CCDC12: variants seen among roughly 807,000 people sequenced by gnomAD.
The protein encoded by CCDC12 is coiled-coil domain-containing protein 12.
CCDC12 carries 28 observed loss-of-function variants against 25.7 expected under a neutral mutation model. The observed-to-expected ratio is 1.09, with a 90% CI of 0.81 to 1.50. The LOEUF is 1.50. Among genes scored for constraint, CCDC12 ranks in the 40% most tolerant of loss-of-function variants. The pLI, the probability that CCDC12 is intolerant of heterozygous loss-of-function variation, is 0.00. For synonymous variants in CCDC12, 75 were observed against 87.7 expected, an observed-to-expected ratio of 0.86 and a Z score of 0.81; for missense variants, 198 against 210.0, an observed-to-expected ratio of 0.94 and a Z score of 0.35.
At chr3:46,962,302 T>C (rs1230647562) in intron 1 of CCDC12, among the ~76,000 whole-genome samples, 1 of 151,580 alleles carries the variant, frequency 6.6e-6, no homozygotes. Context: ...GGCATGGTGG[T>C]GGGCACCTGT....
intron 1 of CCDC12, among the ~76,000 whole-genome samples, chr3:46,946,209 C>T (rs1345309200): frequency 2.0e-5 from 3 of 152,206 alleles, no homozygotes; most frequent in Non-Finnish European, 2.9e-5. Flanking sequence ...CCTCAGTCTC[C>T]TTTGTGGGCC....
intron 1 of CCDC12, among the ~76,000 whole-genome samples, chr3:46,951,798 A>AATATATATATATATATATAT (rs1553649460): frequency 1.2e-4 from 1 of 8,458 alleles, no homozygotes; most frequent in Non-Finnish European, 2.8e-4. Flanking sequence ...AAAAAAAAAA[A>AATATATATATATATATATAT]ATATATATAT....
intron 1 of CCDC12, among the ~76,000 whole-genome samples, chr3:46,953,900 C>T (rs1034433637): frequency 1.6e-4 from 25 of 152,208 alleles, no homozygotes; most frequent in Non-Finnish European, 3.2e-4. Context: ...CACCATTTCC[C>T]TTTTCTTGGA....
At chr3:46,948,545 C>A (rs1559557503) in intron 1 of CCDC12, among the ~76,000 whole-genome samples, 1 of 152,156 alleles carries the variant, frequency 6.6e-6, no homozygotes. Context: ...ACTTAGGGGA[C>A]AAAGAGAAAG....
intron 1 of CCDC12, among the ~76,000 whole-genome samples, chr3:46,970,014 C>T (rs2034757925): frequency 6.6e-6 from 1 of 151,720 alleles, no homozygotes; most frequent in Admixed American, 6.6e-5. Flanking sequence ...AAGCAATTCT[C>T]CCTGCTCAGT....
upstream of CCDC12, among the ~76,000 whole-genome samples, chr3:46,977,676 G>T (rs1442758318): frequency 3.3e-5 from 5 of 152,212 alleles, no homozygotes; most frequent in South Asian, 4.1e-4. Context: ...TTTCCCTCTG[G>T]ACTCAAAGAT....
intron 1 of CCDC12, among the ~76,000 whole-genome samples, chr3:46,964,761 G>C (rs563350818): frequency 1.7e-4 from 26 of 152,164 alleles, no homozygotes; most frequent in South Asian, 2.1e-4. Context: ...CAGCATGCTC[G>C]TTAAGAGTCA....
intron 1 of CCDC12, among the ~76,000 whole-genome samples, chr3:46,948,704 C>A (rs1051533115): frequency 6.6e-6 from 1 of 152,242 alleles, no homozygotes; most frequent in African/African-American, 2.4e-5. Flanking sequence ...CTGGGCCCCA[C>A]CATCCATATG....
chr3:46,980,958 C>A (rs2107237084), upstream of CCDC12, among the ~76,000 whole-genome samples: 1 of 152,290 alleles, frequency 6.6e-6, no homozygotes, highest in African/African-American at 2.4e-5. Flanking sequence ...GACACGCTGG[C>A]CCTCCATAAG....
chr3:46,966,284 A>G (rs1019282072), intron 1 of CCDC12, among the ~76,000 whole-genome samples: 4 of 152,214 alleles, frequency 2.6e-5, no homozygotes, highest in Non-Finnish European at 5.9e-5. Flanking sequence ...AGGCCAAAGC[A>G]GGGAGACGAC....
chr3:46,930,870 C>T (rs183387868), intron 2 of CCDC12, among the ~76,000 whole-genome samples: 1 of 152,316 alleles, frequency 6.6e-6, no homozygotes, highest in Admixed American at 6.5e-5. Flanking sequence ...ACCCTCTCCA[C>T]AGCAGGCCCC....
At position 46,933,811 on chromosome 3, in the gene CCDC12, C is replaced by T. The variant is rs59846120; in HGVS notation, c.164+7187G>A. 9.6e-3 allele frequency among the ~76,000 whole-genome samples: 1,467 copies of T among 152,188 alleles called. 21 individuals carry two copies. Among genetic ancestry groups the T allele is most frequent in the African/African-American group, 0.034 (1,403 of 41,500 alleles). ...TATTTACCAAAAGATAGTCATGACA[C>T]GGCTCATGAAAAAATGTTACAAAAC... On this transcript the variant is annotated intron_variant, in intron 2 of 6. Transcript: ENST00000683445.
In CCDC12 at chr3:46,922,201, G is replaced by T. The variant is rs76776979; in HGVS notation, c.418+35C>A. ...CCCGGTGCTTGGGCCACCACCCAGT[G>T]GGCAGGACCCCACCTTCCCAGGCAC... On this transcript the variant is annotated intron_variant, in intron 6 of 6. Transcript: ENST00000683445. 1.3e-4 allele frequency: 206 copies of T among 1,614,104 alleles called. 2 individuals carry two copies. The East Asian group carries it at 4.3e-3, about 34-fold the overall frequency.
intron 1 of CCDC12, among the ~76,000 whole-genome samples, chr3:46,968,163 G>A (rs1673736403): frequency 6.6e-6 from 1 of 152,176 alleles, no homozygotes; most frequent in Non-Finnish European, 1.5e-5. Flanking sequence ...CACAACCTTG[G>A]AGTCTGAGAG....
chr3:46,941,217 C>T (rs1230092638), intron 1 of CCDC12, 152 bp from the exon 2 acceptor site: 1 of 706,712 alleles, frequency 1.4e-6, no homozygotes, highest in African/African-American at 1.8e-5. Context: ...TACACGCCTG[C>T]TGCATCTCAT....
intron 1 of CCDC12, among the ~76,000 whole-genome samples, chr3:46,964,662 A>C (rs377219339): frequency 4.6e-5 from 7 of 152,128 alleles, no homozygotes; most frequent in African/African-American, 1.7e-4. Flanking sequence ...CCCCAACCCC[A>C]TGCTCTCTGA....
In CCDC12 at chr3:46,940,989, G is replaced by A. The variant is rs140559877; in HGVS notation, c.164+9C>T. 55 of 1,613,836 alleles carry A rather than the reference G, an allele frequency of 3.4e-5. No individual in the cohort carries two copies. Among genetic ancestry groups the A allele is most frequent in the African/African-American group, 2.8e-4 (21 of 75,030 alleles). On this transcript the variant is annotated intron_variant, in intron 2 of 6. Coordinates refer to ENST00000683445, the MANE Select transcript of CCDC12 (RefSeq NM_001277074.2). Reference sequence around the variant, plus strand: ...GAGAGCAGACCCTGGAGCTGCACACGGGCATTACCTGTGCTTCTCGCCTTC... The same window carrying A: ...GAGAGCAGACCCTGGAGCTGCACACAGGCATTACCTGTGCTTCTCGCCTTC...
intron 5 of CCDC12, 75 bp from the exon 6 acceptor site, chr3:46,922,387 C>T (rs2032722086): frequency 7.9e-6 from 12 of 1,522,498 alleles, no homozygotes; most frequent in Non-Finnish European, 1.1e-5. Flanking sequence ...TCCCCTCTTG[C>T]AGCCCTCTGG....
At chr3:46,963,729 A>G (rs1388537558) in intron 1 of CCDC12, among the ~76,000 whole-genome samples, 10 of 152,224 alleles carry the variant, frequency 6.6e-5, no homozygotes, top group Non-Finnish European at 5.9e-5. Flanking sequence ...AGGTGCCGGG[A>G]TTGCAGATGG....
Sources: allele counts gnomAD v4.1 joint callset (sites outside exome capture counted in the v4.1 genomes callset), GRCh38; gene constraint gnomAD v4.1.1; transcripts MANE v1.5; gene names NCBI Gene and HGNC (gene_info 2026-07-23, HGNC 2026-07-21).